The following DRC1 variants were observed in gnomAD, a reference collection of about 807,000 sequenced individuals.
DRC1 encodes the protein dynein regulatory complex protein 1.
Under a neutral mutation model 98.7 loss-of-function variants are expected in DRC1, and 74 were observed. The ratio of observed to expected loss-of-function variants is 0.75; its 90% CI spans 0.62 to 0.91. The LOEUF (loss-of-function observed/expected upper bound fraction) is 0.91. Among genes scored for constraint, DRC1 ranks in the 40% least tolerant of loss-of-function variants. The pLI is 0.00. For missense variants in DRC1, 875 were observed against 886.0 expected, an observed-to-expected ratio of 0.99 and a Z score of 0.16; for synonymous variants, 336 against 334.1, an observed-to-expected ratio of 1.01 and a Z score of -0.06.
chr2:26,416,596 C>T (rs907704331), intron 2 of DRC1, among the ~76,000 whole-genome samples: 3 of 152,066 alleles, frequency 2.0e-5, no homozygotes, highest in African/African-American at 7.2e-5. Context: ...TTCTGTCTGT[C>T]GTGTAAGGGT....
chr2:26,427,954 C>G (rs1229526173), intron 4 of DRC1, among the ~76,000 whole-genome samples: 2 of 152,206 alleles, frequency 1.3e-5, no homozygotes, highest in African/African-American at 2.4e-5. Flanking sequence ...ATAGGTACCA[C>G]ATTTGCTTTA....
chr2:26,428,893 G>A (rs1445937055), intron 4 of DRC1, among the ~76,000 whole-genome samples: 1 of 152,184 alleles, frequency 6.6e-6, no homozygotes, highest in Non-Finnish European at 1.5e-5. Flanking sequence ...CATGACCGTA[G>A]TATTTTTACA....
intron 2 of DRC1, among the ~76,000 whole-genome samples, chr2:26,414,636 A>G (rs182734059): frequency 1.3e-5 from 2 of 152,322 alleles, no homozygotes; most frequent in Non-Finnish European, 2.9e-5. Context: ...TTCTCTGCTC[A>G]TGCACTTTTA....
intron 1 of DRC1, among the ~76,000 whole-genome samples, chr2:26,410,124 A>G (rs1286909798): frequency 1.3e-5 from 2 of 151,722 alleles, no homozygotes; most frequent in Non-Finnish European, 2.9e-5. Context: ...GAAAAAAAAT[A>G]GAGCTCTTAG....
At chr2:26,418,647 T>TATAAATTATATATAATTTATATA (rs1558438202) in intron 2 of DRC1, among the ~76,000 whole-genome samples, 5 of 90,402 alleles carry the variant, frequency 5.5e-5, no homozygotes, top group African/African-American at 2.6e-4. Context: ...ATTTATATAA[T>TATAAATTATATATAATTTATATA]ATATAAATTA....
chr2:26,406,813 CTTTTTTTT>C (rs5830010), intron 1 of DRC1, among the ~76,000 whole-genome samples: 8 of 101,614 alleles, frequency 7.9e-5, no homozygotes, highest in Admixed American at 3.3e-4. Context: ...TGTCACTTTC[CTTTTTTTT>C]TTTTTTTTTT....
chr2:26,452,146 G>A (rs553531828), intron 13 of DRC1, among the ~76,000 whole-genome samples: 44 of 152,204 alleles, frequency 2.9e-4, no homozygotes, highest in African/African-American at 1.0e-3. Flanking sequence ...GATGACTGAG[G>A]TGTAGAAAAC....
intron 1 of DRC1, among the ~76,000 whole-genome samples, chr2:26,411,146 C>T (rs1293385878): frequency 6.6e-6 from 1 of 152,134 alleles, no homozygotes; most frequent in Non-Finnish European, 1.5e-5. Flanking sequence ...AGGGAGGGAG[C>T]TCAAATCTGA....
chr2:26,409,668 T>A (rs1369292698), intron 1 of DRC1, among the ~76,000 whole-genome samples: 3 of 152,186 alleles, frequency 2.0e-5, no homozygotes, highest in East Asian at 3.8e-4. Context: ...ACAACTAGAA[T>A]AATGGAACTC....
Position 26,456,355 on chromosome 2 carries a change from C to T in DRC1, c.2167-106C>T, listed in dbSNP as rs772584329. ...ATCTCTCAGCTTTGGAGAGGAGATGCGTGCAGGGCTTTGGAGGCCCATGGG... is the reference window on the plus strand; with the variant it reads ...ATCTCTCAGCTTTGGAGAGGAGATGTGTGCAGGGCTTTGGAGGCCCATGGG... On this transcript the variant is annotated intron_variant, in intron 16 of 16. Coordinates refer to ENST00000288710, the MANE Select transcript of DRC1 (RefSeq NM_145038.5). The T allele has an allele frequency of 6.4e-4, 865 of 1,358,360 alleles. 3 individuals are homozygous for T. The highest frequency in any genetic ancestry group is 7.8e-4 in the Non-Finnish European group (749 of 964,308). The allele number at this position is 1,358,360 out of a possible 1,614,324, so 84.1% of individuals were successfully genotyped here.
intron 12 of DRC1, 73 bp downstream of exon 12, chr2:26,450,158 C>T: frequency 3.4e-6 from 5 of 1,454,886 alleles, no homozygotes; most frequent in Non-Finnish European, 4.7e-6. Context: ...CCTGCCATTG[C>T]CTCAACCCTG....
At chr2:26,439,936 T>TATATATATATATATATATATATACACAC (rs548209014) in intron 7 of DRC1, among the ~76,000 whole-genome samples, 4 of 75,498 alleles carry the variant, frequency 5.3e-5, no homozygotes, top group African/African-American at 1.7e-4. Flanking sequence ...TATATATATA[T>TATATATATATATATATATATATACACAC]ACACACACAC....
chr2:26,453,190 CT>C, intron 13 of DRC1, 129 bp from the exon 14 acceptor site: 2 of 1,044,994 alleles, frequency 1.9e-6, no homozygotes, highest in African/African-American at 1.6e-5. Flanking sequence ...GTTTCTGTCC[CT>C]GTGTAAATGT....
intron 10 of DRC1, among the ~76,000 whole-genome samples, 167 bp downstream of exon 10, chr2:26,445,115 A>G (rs1663820189): frequency 6.6e-6 from 1 of 152,220 alleles, no homozygotes; most frequent in Admixed American, 6.5e-5. Context: ...CTCCTGTATT[A>G]TAAACTGGCA....
chr2:26,429,703 C>T lies in DRC1; in HGVS notation c.616C>T (p.Arg206Trp), dbSNP rs1160786100. The T allele has an allele frequency of 3.1e-6, 5 of 1,614,022 alleles. No homozygotes were observed. The highest frequency in any genetic ancestry group is 2.2e-5 in the South Asian group (2 of 91,068). ...QSDDICLLLE[R>W]MEEQVKNVMK... The stretch of plus-strand genomic sequence containing the variant: ...AGATGACATCTGCCTGCTTCTGGAG[C>T]GGATGGAAGAACAGGTGAAGAATGT... The change falls in exon 5 of 17, where the codon CGG (arginine) becomes TGG (tryptophan). Residue 206 changes from arginine to tryptophan, a missense_variant. By Grantham distance (101) the Arg-to-Trp change is moderately radical. Transcript: ENST00000288710.
chr2:26,430,021 CTG>C (rs1419611869), intron 5 of DRC1, among the ~76,000 whole-genome samples: 1 of 152,140 alleles, frequency 6.6e-6, no homozygotes, highest in Non-Finnish European at 1.5e-5. Flanking sequence ...CTGGTGGAAA[CTG>C]TATGCTAGTA....
chr2:26,449,961 TC>T, intron 11 of DRC1, 34 bp from the exon 12 acceptor site: 1 of 1,603,946 alleles, frequency 6.2e-7, no homozygotes, highest in Non-Finnish European at 8.5e-7. Context: ...CTGAAACCTG[TC>T]CCCGACAGGA....
intron 2 of DRC1, among the ~76,000 whole-genome samples, chr2:26,416,272 C>T (rs146808279): frequency 3.0e-4 from 46 of 151,982 alleles, no homozygotes; most frequent in African/African-American, 8.9e-4. Context: ...TTTTTTGAGA[C>T]GGAGTCTTGC....
intron 16 of DRC1, among the ~76,000 whole-genome samples, chr2:26,456,188 C>T (rs1320352139): frequency 6.6e-6 from 1 of 152,000 alleles, no homozygotes; most frequent in Non-Finnish European, 1.5e-5. Flanking sequence ...GGCATGGGTG[C>T]GTGGAGAGAG....
Sources: allele counts gnomAD v4.1 joint callset (sites outside exome capture counted in the v4.1 genomes callset), GRCh38; gene constraint gnomAD v4.1.1; transcripts MANE v1.5; gene names NCBI Gene and HGNC (gene_info 2026-07-23, HGNC 2026-07-21).